Variants in PARVB observed in about 807,000 individuals in gnomAD.
PARVB encodes parvin beta.
PARVB carries 46 observed loss-of-function variants against 47.0 expected under a neutral mutation model. The observed-to-expected ratio is 0.98, with a 90% CI of 0.77 to 1.25. PARVB has a LOEUF of 1.25. Among genes scored for constraint, PARVB ranks in the 50% most tolerant of loss-of-function variants. PARVB has a pLI of 0.00. For synonymous variants in PARVB, 196 were observed against 196.3 expected (o/e 1.00, Z 0.01); for missense variants, 473 against 471.6 (o/e 1.00, Z -0.03).
chr22:44,019,187 G>A (rs999451847), intron 2 of PARVB, among the ~76,000 whole-genome samples: 1 of 151,818 alleles, frequency 6.6e-6, no homozygotes, highest in African/African-American at 2.4e-5. Flanking sequence ...AAAGTGCTGG[G>A]ATTACAGGCG....
At chr22:44,115,417 C>G (rs868863007) in intron 3 of PARVB, 6 of 100,696 alleles carry the variant, frequency 6.0e-5, no homozygotes, top group African/African-American at 1.7e-4. Context: ...TTGTTATTAA[C>G]TAAGGCCCTG....
intron 8 of PARVB, chr22:44,142,158 A>T (rs2053564069): frequency 6.6e-6 from 1 of 152,088 alleles, no homozygotes; most frequent in Non-Finnish European, 1.5e-5. Context: ...TGGATGGATC[A>T]TGAGGTCATG....
At chr22:44,054,704 A>C (rs918389605) in intron 1 of PARVB, among the ~76,000 whole-genome samples, 1 of 152,146 alleles carries the variant, frequency 6.6e-6, no homozygotes, top group African/African-American at 2.4e-5. Flanking sequence ...AAATGGTTAA[A>C]GTAGCCGGGT....
At chr22:44,023,205 C>T (rs2050671455), upstream of PARVB, among the ~76,000 whole-genome samples, 1 of 152,168 alleles carries the variant, frequency 6.6e-6, no homozygotes, top group African/African-American at 2.4e-5. Flanking sequence ...GACATCACAG[C>T]TCAAAGCCCT....
At chr22:44,093,223 G>A (rs143929443) in intron 1 of PARVB, among the ~76,000 whole-genome samples, 42 of 152,346 alleles carry the variant, frequency 2.8e-4, no homozygotes, top group Non-Finnish European at 5.4e-4. Flanking sequence ...TGAAAGGCCT[G>A]CAGGGTCTCA....
rs952746438 is a variant in PARVB at position 44,096,504 on chromosome 22, C to A, written c.202+2487C>A. On this transcript the variant is annotated intron_variant, in intron 2 of 12. Coordinates refer to ENST00000338758, the MANE Select transcript of PARVB (RefSeq NM_013327.5). ...TATCCTTTGGGCTCATAAATGTCAT[C>A]ATTGTAGCGAATATTGGGGGTCCAC... Among the ~76,000 whole-genome samples the A allele has an allele frequency of 3.9e-4, 59 of 152,328 alleles. 1 individual carries two copies. Among genetic ancestry groups the A allele is most frequent in the Non-Finnish European group, 7.4e-5 (5 of 68,024 alleles).
At chr22:44,033,009 G>T (rs115650905) in intron 1 of PARVB, among the ~76,000 whole-genome samples, 1 of 152,172 alleles carries the variant, frequency 6.6e-6, no homozygotes, top group African/African-American at 2.4e-5. Context: ...AAAGTTGTGT[G>T]AATCGTTTAA....
chr22:44,164,415 C>CCCG (rs139972042), intron 12 of PARVB, among the ~76,000 whole-genome samples: 206 of 139,302 alleles, frequency 1.5e-3, no homozygotes, highest in Non-Finnish European at 2.1e-3. Context: ...CCTGTCCCCC[C>CCCG]CCCGGCTCCT....
chr22:44,029,988 G>A (rs1234883849), intron 1 of PARVB, among the ~76,000 whole-genome samples: 1 of 152,190 alleles, frequency 6.6e-6, no homozygotes, highest in Non-Finnish European at 1.5e-5. Context: ...AAGTTTCTTT[G>A]TGGACTTTAA....
intron 9 of PARVB, 102 bp from the exon 10 acceptor site, chr22:44,151,381 G>T: frequency 2.5e-6 from 2 of 814,960 alleles, no homozygotes; most frequent in Non-Finnish European, 2.2e-6. Flanking sequence ...GATGATGAAA[G>T]CGTTTCACAG....
intron 2 of PARVB, among the ~76,000 whole-genome samples, chr22:44,013,864 C>T (rs2050549689): frequency 6.6e-6 from 1 of 152,090 alleles, no homozygotes; most frequent in African/African-American, 2.4e-5. Context: ...AACTCCTGAC[C>T]TCAAGTGATC....
Position 44,163,132 on chromosome 22 carries a change from CG to C in PARVB, c.946-723del, listed in dbSNP as rs371457465. The stretch of plus-strand genomic sequence containing the variant: ...AGTGCCAGGCCTGCGTGCCTCTGCA[CG>C]GGACTCATCCTTTCTGGGCCTCAGT... On this transcript the variant is annotated intron_variant, in intron 11 of 12. Transcript: ENST00000338758. 4.8e-3 allele frequency among the ~76,000 whole-genome samples: 725 copies of C among 152,284 alleles called. 3 individuals are homozygous for C. The highest frequency in any genetic ancestry group is 0.016 in the African/African-American group (683 of 41,564).
chr22:44,011,719 T>C (rs6006615), intron 2 of PARVB, among the ~76,000 whole-genome samples: 24,294 of 152,044 alleles, frequency 0.16, 1,985 homozygotes, highest in Middle Eastern at 0.19. Flanking sequence ...CCACTGTGTC[T>C]TCCCTGGCCA....
At chr22:44,159,789 C>T (rs190590711) in intron 11 of PARVB, among the ~76,000 whole-genome samples, 1 of 152,250 alleles carries the variant, frequency 6.6e-6, no homozygotes, top group East Asian at 1.9e-4. Context: ...TCAGGCTGGG[C>T]CCAACACCCG....
intron 1 of PARVB, among the ~76,000 whole-genome samples, chr22:44,078,329 G>A (rs983769837): frequency 6.6e-6 from 1 of 152,152 alleles, no homozygotes; most frequent in African/African-American, 2.4e-5. Flanking sequence ...GGTTAGACCC[G>A]GACCTGCCTA....
At chr22:44,095,325 A>G (rs1202585615) in intron 2 of PARVB, among the ~76,000 whole-genome samples, 1 of 152,110 alleles carries the variant, frequency 6.6e-6, no homozygotes, top group Non-Finnish European at 1.5e-5. Context: ...CCTGGCCAAC[A>G]TGGCGAAACC....
intron 9 of PARVB, chr22:44,150,140 G>A (rs2053771376): frequency 1.3e-5 from 2 of 151,518 alleles, no homozygotes; most frequent in Admixed American, 6.6e-5. Context: ...CTGGGCAACA[G>A]AGCGAGACTC....
chr22:44,012,875 A>G (rs188487043), intron 2 of PARVB, among the ~76,000 whole-genome samples: 1 of 148,340 alleles, frequency 6.7e-6, no homozygotes, highest in East Asian at 2.0e-4. Flanking sequence ...AAGAAAGCTG[A>G]CAAGCTTTAT....
intron 1 of PARVB, among the ~76,000 whole-genome samples, chr22:44,038,535 C>A (rs1382062347): frequency 2.6e-5 from 4 of 152,152 alleles, no homozygotes; most frequent in African/African-American, 9.7e-5. Flanking sequence ...AATCCCAGCA[C>A]TTTGGAAGGC....
Sources: allele counts gnomAD v4.1 joint callset (sites outside exome capture counted in the v4.1 genomes callset), GRCh38; gene constraint gnomAD v4.1.1; transcripts MANE v1.5; gene names NCBI Gene and HGNC (gene_info 2026-07-23, HGNC 2026-07-21).